Variants in ZRANB3 observed in about 807,000 individuals in gnomAD.
The protein encoded by ZRANB3 is zinc finger RANBP2-type containing 3, also known as DNA annealing helicase and endonuclease ZRANB3.
A neutral mutation model predicts 133.8 loss-of-function variants in ZRANB3; 125 were observed. The observed-to-expected ratio is 0.93, with a 90% CI of 0.81 to 1.08. The LOEUF (loss-of-function observed/expected upper bound fraction) is 1.08, where lower values mean the gene tolerates loss of function less well. ZRANB3 is among the 50% of genes least tolerant of loss of function. ZRANB3 has a pLI of 0.00. For synonymous variants in ZRANB3, 387 were observed against 432.7 expected (o/e 0.89, Z 1.31); for missense variants, 1,229 against 1,275.5 (o/e 0.96, Z 0.56).
At chr2:135,479,174 T>C (rs1323845280) in intron 2 of ZRANB3, among the ~76,000 whole-genome samples, 1 of 152,090 alleles carries the variant, frequency 6.6e-6, no homozygotes, top group African/African-American at 2.4e-5. Flanking sequence ...TTTGTTCTTA[T>C]ATATGCATAT....
In ZRANB3 at chr2:135,271,833, C is replaced by A. The variant is rs1156823269; in HGVS notation, c.1141G>T (p.Val381Phe). Residue 381 changes from valine (V) to phenylalanine (F), a missense_variant, in exon 10 of 21, where the codon GTT becomes TTT. Val to Phe is a conservative substitution (Grantham distance 50). Transcript: ENST00000264159. Reference sequence around the variant, plus strand: ...TCAGGATCCTTTTGAAACTGATTAACCAGATGTATTCTTTCTGAAGATGAA... The same window carrying A: ...TCAGGATCCTTTTGAAACTGATTAAACAGATGTATTCTTTCTGAAGATGAA... ...SVSSSERIHL[V>F]NQFQKDPDTR... is the part of the protein sequence containing the mutation. The A allele has an allele frequency of 6.2e-7, 1 of 1,613,804 alleles. No homozygotes were observed. The highest frequency in any genetic ancestry group is 8.5e-7 in the Non-Finnish European group (1 of 1,179,802).
At chr2:135,402,169 G>T (rs1303102200) in intron 2 of ZRANB3, among the ~76,000 whole-genome samples, 1 of 151,888 alleles carries the variant, frequency 6.6e-6, no homozygotes, top group African/African-American at 2.4e-5. Flanking sequence ...CCTTTGAAAT[G>T]ACTTCAGTGA....
intron 14 of ZRANB3, among the ~76,000 whole-genome samples, chr2:135,226,433 T>C (rs1450562377): frequency 6.6e-6 from 1 of 152,134 alleles, no homozygotes; most frequent in Non-Finnish European, 1.5e-5. Flanking sequence ...TCCATGTTAG[T>C]GGAAAGATGT....
intron 8 of ZRANB3, among the ~76,000 whole-genome samples, chr2:135,284,893 T>G (rs1681277825): frequency 6.6e-6 from 1 of 151,682 alleles, no homozygotes; most frequent in Non-Finnish European, 1.5e-5. Context: ...TTGCCTAGGC[T>G]GGAGTGCCAC....
chr2:135,377,147 G>C (rs1213879970), intron 3 of ZRANB3, among the ~76,000 whole-genome samples: 1 of 152,176 alleles, frequency 6.6e-6, no homozygotes, highest in African/African-American at 2.4e-5. Context: ...GGGACCCACT[G>C]TTAGGGTTAA....
intron 2 of ZRANB3, among the ~76,000 whole-genome samples, chr2:135,498,073 A>G (rs892165479): frequency 1.3e-5 from 2 of 149,256 alleles, no homozygotes; most frequent in South Asian, 4.2e-4. Flanking sequence ...AATAATAAAT[A>G]AATAAATAAA....
intron 2 of ZRANB3, among the ~76,000 whole-genome samples, chr2:135,451,941 T>C (rs1455943308): frequency 6.6e-6 from 1 of 152,122 alleles, no homozygotes; most frequent in African/African-American, 2.4e-5. Flanking sequence ...AAAAGATTAG[T>C]GTACTTGAAG....
chr2:135,496,646 C>T (rs1692686614), intron 2 of ZRANB3, among the ~76,000 whole-genome samples: 1 of 152,016 alleles, frequency 6.6e-6, no homozygotes, highest in Non-Finnish European at 1.5e-5. Context: ...GCAGGCAGAG[C>T]TGAACTCGAT....
intron 3 of ZRANB3, among the ~76,000 whole-genome samples, chr2:135,382,580 C>A (rs571470445): frequency 2.6e-4 from 39 of 152,146 alleles, no homozygotes; most frequent in Admixed American, 1.6e-3. Flanking sequence ...ATGTTAAGGG[C>A]AGCCAGAGAG....
chr2:135,360,073 C>A (rs1685603753), intron 3 of ZRANB3, among the ~76,000 whole-genome samples: 1 of 152,100 alleles, frequency 6.6e-6, no homozygotes, highest in Non-Finnish European at 1.5e-5. Flanking sequence ...TTGAAAAGGA[C>A]TACCTTTTAA....
At chr2:135,453,265 G>A (rs912608092) in intron 2 of ZRANB3, among the ~76,000 whole-genome samples, 1 of 152,216 alleles carries the variant, frequency 6.6e-6, no homozygotes, top group African/African-American at 2.4e-5. Flanking sequence ...TTCCTCCTGG[G>A]CCTCCAGGCC....
At chr2:135,371,309 C>T (rs1054715628) in intron 3 of ZRANB3, among the ~76,000 whole-genome samples, 2 of 152,158 alleles carry the variant, frequency 1.3e-5, no homozygotes, top group African/African-American at 4.8e-5. Context: ...TTACGATGCA[C>T]TTGGAGGTGT....
intron 6 of ZRANB3, among the ~76,000 whole-genome samples, chr2:135,320,622 C>G (rs1476054346): frequency 6.6e-6 from 1 of 152,086 alleles, no homozygotes; most frequent in Non-Finnish European, 1.5e-5. Context: ...AAGTCATTTC[C>G]CAGTAGCATT....
rs139627239 is a variant in ZRANB3, at chr2:135,312,303, T to A, written c.966+1186A>T. ...AGCCCAGATCTTCTGAGCTAAGCGA[T>A]CCTCCCTCCTCAGCCTCCCAAGTAA... On this transcript the variant is annotated intron_variant, in intron 8 of 20. Coordinates refer to ENST00000264159, the MANE Select transcript of ZRANB3 (RefSeq NM_032143.4). Among the ~76,000 whole-genome samples, 367 of 151,902 alleles carry A rather than the reference T, an allele frequency of 2.4e-3. 1 individual carries two copies. In the Middle Eastern group the frequency reaches 0.037, roughly 15 times the overall value.
chr2:135,529,861 C>A (rs1054960817), intron 1 of ZRANB3, among the ~76,000 whole-genome samples: 3 of 151,542 alleles, frequency 2.0e-5, no homozygotes, highest in African/African-American at 7.3e-5. Context: ...GGTGATGGGG[C>A]CACTCTTGAT....
At chr2:135,409,967 C>A (rs1688227739) in intron 2 of ZRANB3, among the ~76,000 whole-genome samples, 1 of 152,060 alleles carries the variant, frequency 6.6e-6, no homozygotes, top group Admixed American at 6.6e-5. Flanking sequence ...GTATGAAACA[C>A]TGATGAAAGA....
chr2:135,242,504 G>A (rs904823192), intron 12 of ZRANB3, among the ~76,000 whole-genome samples: 3 of 151,540 alleles, frequency 2.0e-5, no homozygotes, highest in South Asian at 4.2e-4. Context: ...ACCCAGGGGG[G>A]GCTCAAACTC....
intron 2 of ZRANB3, among the ~76,000 whole-genome samples, chr2:135,443,675 G>A (rs902843859): frequency 6.6e-6 from 1 of 152,040 alleles, no homozygotes. Flanking sequence ...AAGAACATCA[G>A]ACAAATCCGA....
At chr2:135,378,405 A>G (rs186264276) in intron 3 of ZRANB3, among the ~76,000 whole-genome samples, 1 of 152,062 alleles carries the variant, frequency 6.6e-6, no homozygotes, top group Non-Finnish European at 1.5e-5. Flanking sequence ...AGGCAGGAGA[A>G]TTGCTTGAAC....
Sources: gnomAD v4.1 joint callset for allele counts (sites outside exome capture counted in the v4.1 genomes callset) on GRCh38, gnomAD v4.1.1 for gene constraint, MANE v1.5 for transcripts, NCBI Gene and HGNC (gene_info 2026-07-23, HGNC 2026-07-21) for gene names.